The following KANK1 variants were observed in gnomAD, a reference collection of about 807,000 sequenced individuals.
KANK1 encodes the protein KN motif and ankyrin repeat domains 1, also known as KN motif and ankyrin repeat domain-containing protein 1.
In KANK1, 109 loss-of-function variants were observed where a neutral mutation model predicts 106.2. That is an observed-to-expected ratio of 1.03 (90% CI 0.88 to 1.20). The LOEUF (loss-of-function observed/expected upper bound fraction) is 1.20. Among genes scored for constraint, KANK1 ranks in the 50% most tolerant of loss-of-function variants. The pLI is 0.00. For synonymous variants in KANK1, 873 were observed against 652.2 expected, an observed-to-expected ratio of 1.34 and a Z score of -5.16; for missense variants, 2,399 against 1,710.7, an observed-to-expected ratio of 1.40 and a Z score of -7.10.
chr9:706,582 T>A (rs546310071), intron 2 of KANK1, among the ~76,000 whole-genome samples: 12 of 146,540 alleles, frequency 8.2e-5, no homozygotes, highest in African/African-American at 2.5e-4. Flanking sequence ...TTTTTTTTTT[T>A]AATGTTTTAC....
intron 3 of KANK1, among the ~76,000 whole-genome samples, chr9:725,849 A>T (rs191407310): frequency 9.8e-5 from 15 of 152,310 alleles, no homozygotes; most frequent in African/African-American, 3.6e-4. Flanking sequence ...TCTTCTAAGA[A>T]TCTAAGAGAT....
intron 1 of KANK1, among the ~76,000 whole-genome samples, chr9:578,792 A>G (rs957816234): frequency 6.6e-6 from 1 of 152,208 alleles, no homozygotes; most frequent in Non-Finnish European, 1.5e-5. Flanking sequence ...CAGAAAACTA[A>G]TATTACTCTA....
intron 1 of KANK1, among the ~76,000 whole-genome samples, chr9:604,848 A>G (rs1828689348): frequency 6.6e-6 from 1 of 151,692 alleles, no homozygotes; most frequent in African/African-American, 2.4e-5. Flanking sequence ...GATAATAGTA[A>G]GTTTCCTAAG....
chr9:597,313 A>G (rs925784860), intron 1 of KANK1, among the ~76,000 whole-genome samples: 1 of 151,832 alleles, frequency 6.6e-6, no homozygotes, highest in Non-Finnish European at 1.5e-5. Context: ...GGGCCAAACC[A>G]TTTCTAGTCC....
At chr9:589,382 G>T (rs1218563964) in intron 1 of KANK1, among the ~76,000 whole-genome samples, 1 of 152,148 alleles carries the variant, frequency 6.6e-6, no homozygotes, top group African/African-American at 2.4e-5. Flanking sequence ...AGCTAAGGAG[G>T]TGCAGGTGTA....
chr9:542,568 C>G (rs1454009578), intron 1 of KANK1, among the ~76,000 whole-genome samples: 1 of 152,242 alleles, frequency 6.6e-6, no homozygotes, highest in East Asian at 1.9e-4. Flanking sequence ...GGTATACATC[C>G]AAAGGAATTG....
At chr9:612,815 C>T (rs1412745246) in intron 1 of KANK1, among the ~76,000 whole-genome samples, 1 of 152,102 alleles carries the variant, frequency 6.6e-6, no homozygotes, top group East Asian at 1.9e-4. Context: ...CCAGTTTAGA[C>T]CAGCAGCAGC....
intron 1 of KANK1, among the ~76,000 whole-genome samples, chr9:534,080 G>T (rs774965224): frequency 1.3e-5 from 2 of 152,206 alleles, no homozygotes; most frequent in African/African-American, 2.4e-5. Context: ...GGCAGAACCA[G>T]TTGTTTTCAG....
chr9:498,444 G>A (rs78783689), intron 3 of KANK1, among the ~76,000 whole-genome samples: 3,282 of 152,258 alleles, frequency 0.022, 88 homozygotes, highest in African/African-American at 0.074. Context: ...GAGAGGAAAG[G>A]TTCTAAACAT....
Position 732,444 on chromosome 9 carries a change from G to A in KANK1, c.3072G>A (p.Glu1024=). 2 of 1,614,198 alleles carry A rather than the reference G, an allele frequency of 1.2e-6. No homozygotes were observed. Among genetic ancestry groups the A allele is most frequent in the Admixed American group, 1.7e-5 (1 of 60,030 alleles). Residue 1024 remains glutamate, a synonymous_variant, in exon 6 of 12, where the codon GAG becomes GAA. Transcript: ENST00000382297. The part of the protein sequence containing the change: ...DESSSSESDD[E]CDVIEYPLEE... The stretch of plus-strand genomic sequence containing the variant: ...GCTCTTCTTCCGAGTCAGATGACGA[G>A]TGTGATGTCATTGAGTATCCTCTTG...
At chr9:560,551 A>G (rs1416186253) in intron 1 of KANK1, among the ~76,000 whole-genome samples, 3 of 152,150 alleles carry the variant, frequency 2.0e-5, no homozygotes, top group African/African-American at 7.2e-5. Flanking sequence ...GTCTTTGAAG[A>G]CTCATGTTTT....
chr9:655,203 C>G (rs10975597), intron 1 of KANK1, among the ~76,000 whole-genome samples: 5 of 152,010 alleles, frequency 3.3e-5, no homozygotes, highest in African/African-American at 9.7e-5. Context: ...AACCTCGTCT[C>G]TACTAAAAAT....
At position 584,510 on chromosome 9, in the gene KANK1, A is replaced by T. The variant is rs570584770; in HGVS notation, c.-84+79756A>T. Among the ~76,000 whole-genome samples, 6 of 152,356 alleles carry T rather than the reference A, an allele frequency of 3.9e-5. No individual in the cohort carries two copies. The South Asian group carries it at 6.2e-4, about 16-fold the overall frequency. On this transcript the variant is annotated intron_variant, in intron 1 of 11. Coordinates refer to ENST00000382297, the MANE Select transcript of KANK1 (RefSeq NM_015158.5). ...TCCAAAGATAGTAATATGGTATTTG[A>T]TCTGAACCTAGACTTCTGTTCTGTT...
Position 588,757 on chromosome 9 carries a change from C to T in KANK1, c.-84+84003C>T, listed in dbSNP as rs116354706. ...GGGCACGGACTGTAGAGTTAGATGC[C>T]TGGGTTCAAATCATGACTGTGCTGT... On this transcript the variant is annotated intron_variant, in intron 1 of 11. Transcript: ENST00000382297. Among the ~76,000 whole-genome samples the T allele has an allele frequency of 6.8e-3, 1,038 of 152,166 alleles. 12 individuals carry two copies. Among genetic ancestry groups the T allele is most frequent in the African/African-American group, 0.024 (995 of 41,522 alleles).
At chr9:561,267 AAC>A (rs878991616) in intron 1 of KANK1, among the ~76,000 whole-genome samples, 8 of 152,222 alleles carry the variant, frequency 5.3e-5, no homozygotes, top group Admixed American at 1.3e-4. Context: ...TTGCTTTGTA[AAC>A]ACACATAAAA....
intron 2 of KANK1, among the ~76,000 whole-genome samples, chr9:696,546 G>T (rs984539715): frequency 6.6e-6 from 1 of 152,138 alleles, no homozygotes; most frequent in Admixed American, 6.5e-5. Context: ...GTGTGGGGAA[G>T]GGTGTGCTGG....
intron 1 of KANK1, among the ~76,000 whole-genome samples, chr9:529,942 A>G (rs1306149783): frequency 1.1e-4 from 17 of 152,238 alleles, no homozygotes; most frequent in Non-Finnish European, 2.2e-4. Flanking sequence ...TTGCCAGTAC[A>G]GTATGTTATG....
At chr9:633,393 G>T (rs1836278472) in intron 1 of KANK1, among the ~76,000 whole-genome samples, 1 of 152,124 alleles carries the variant, frequency 6.6e-6, no homozygotes, top group South Asian at 2.1e-4. Context: ...GGGAGGCGGA[G>T]GTTGCAGTGA....
At chr9:513,973 C>T (rs543804663) in intron 1 of KANK1, among the ~76,000 whole-genome samples, 16 of 152,130 alleles carry the variant, frequency 1.1e-4, no homozygotes, top group Admixed American at 3.3e-4. Flanking sequence ...GTCAAAATCA[C>T]GCCGCTGCAT....
Sources: gnomAD v4.1 joint callset for allele counts (sites outside exome capture counted in the v4.1 genomes callset) on GRCh38, gnomAD v4.1.1 for gene constraint, MANE v1.5 for transcripts, NCBI Gene and HGNC (gene_info 2026-07-23, HGNC 2026-07-21) for gene names.